CNTN3: variants seen among roughly 807,000 people sequenced by gnomAD.
CNTN3 encodes contactin-3.
Under a neutral mutation model 119.1 loss-of-function variants are expected in CNTN3, and 60 were observed. That is an observed-to-expected ratio of 0.50 (90% CI 0.41 to 0.62). The LOEUF (loss-of-function observed/expected upper bound fraction) is 0.62. CNTN3 is among the 20% of genes least tolerant of loss of function. CNTN3 has a pLI of 0.00. For missense variants in CNTN3, 1,101 were observed against 1,242.4 expected, an observed-to-expected ratio of 0.89 and a Z score of 1.71; for synonymous variants, 450 against 438.7, an observed-to-expected ratio of 1.03 and a Z score of -0.32.
chr3:74,320,932 T>C (rs1258045472), intron 13 of CNTN3, among the ~76,000 whole-genome samples: 1 of 150,376 alleles, frequency 6.6e-6, no homozygotes, highest in African/African-American at 2.5e-5. Flanking sequence ...ACATATTCAA[T>C]AAATATATGT....
chr3:74,352,886 T>G (rs1438848175), intron 11 of CNTN3, among the ~76,000 whole-genome samples: 1 of 152,140 alleles, frequency 6.6e-6, no homozygotes, highest in Admixed American at 6.5e-5. Flanking sequence ...CTCACTGAGC[T>G]TGCACGCCTA....
chr3:74,505,994 G>A (rs1054581183), intron 2 of CNTN3, among the ~76,000 whole-genome samples: 1 of 152,128 alleles, frequency 6.6e-6, no homozygotes, highest in Non-Finnish European at 1.5e-5. Context: ...AAGCTTCACA[G>A]GACCTAGAAA....
intron 17 of CNTN3, 104 bp downstream of exon 17, chr3:74,299,764 G>T: frequency 1.2e-6 from 1 of 842,558 alleles, no homozygotes; most frequent in Non-Finnish European, 1.9e-6. Flanking sequence ...CACACCCCCA[G>T]CACTACCACC....
intron 11 of CNTN3, among the ~76,000 whole-genome samples, chr3:74,343,712 T>C (rs1227636841): frequency 6.6e-6 from 1 of 152,242 alleles, no homozygotes. Flanking sequence ...GGGCTAGACA[T>C]ATAAGTTGGT....
intron 18 of CNTN3, among the ~76,000 whole-genome samples, chr3:74,296,107 C>A (rs939080808): frequency 5.3e-5 from 8 of 152,130 alleles, no homozygotes; most frequent in Non-Finnish European, 1.0e-4. Flanking sequence ...GTGAGGTTTG[C>A]TGCATAACTC....
intron 1 of CNTN3, among the ~76,000 whole-genome samples, chr3:74,545,772 C>T (rs1457475587): frequency 6.6e-6 from 1 of 151,882 alleles, no homozygotes; most frequent in Non-Finnish European, 1.5e-5. Flanking sequence ...TGATTTATTA[C>T]CAACCCCCAC....
intron 1 of CNTN3, among the ~76,000 whole-genome samples, chr3:74,559,202 G>T (rs1008246707): frequency 6.6e-6 from 1 of 151,936 alleles, no homozygotes; most frequent in African/African-American, 2.4e-5. Context: ...GTCTACCTTG[G>T]ACCTCCCTTT....
intron 13 of CNTN3, among the ~76,000 whole-genome samples, chr3:74,333,497 T>C (rs1437006061): frequency 6.6e-6 from 1 of 152,196 alleles, no homozygotes. Flanking sequence ...AATTGGTCCA[T>C]CTCTCCTCTG....
intron 5 of CNTN3, among the ~76,000 whole-genome samples, chr3:74,424,474 C>CAGAGAG (rs71625974): frequency 0.015 from 2,159 of 142,404 alleles, 18 homozygotes; most frequent in African/African-American, 0.031. Context: ...GTGTGTGTGA[C>CAGAGAG]AGAGAGAGAG....
chr3:74,538,202 A>T (rs1369889648), intron 1 of CNTN3, among the ~76,000 whole-genome samples: 1 of 152,126 alleles, frequency 6.6e-6, no homozygotes, highest in Non-Finnish European at 1.5e-5. Context: ...AACTACAGTG[A>T]GGCTTTTTAT....
chr3:74,517,972 A>T (rs1703479270), intron 2 of CNTN3, among the ~76,000 whole-genome samples: 1 of 151,998 alleles, frequency 6.6e-6, no homozygotes, highest in Admixed American at 6.6e-5. Context: ...AAGACAGCTT[A>T]ACACTTAGGC....
intron 5 of CNTN3, among the ~76,000 whole-genome samples, chr3:74,394,941 A>G (rs1705008587): frequency 6.6e-6 from 1 of 152,210 alleles, no homozygotes; most frequent in African/African-American, 2.4e-5. Flanking sequence ...GTACATTAAT[A>G]TATGGAAAAT....
At chr3:74,533,730 T>G (rs1279575996) in intron 1 of CNTN3, among the ~76,000 whole-genome samples, 1 of 152,024 alleles carries the variant, frequency 6.6e-6, no homozygotes, top group Non-Finnish European at 1.5e-5. Flanking sequence ...AGCTTTGTAT[T>G]TTTGTTCAAA....
At chr3:74,477,713 G>A (rs756461835) in intron 4 of CNTN3, among the ~76,000 whole-genome samples, 8 of 151,998 alleles carry the variant, frequency 5.3e-5, no homozygotes, top group Admixed American at 2.0e-4. Flanking sequence ...TTTATAACAC[G>A]AAGGATAAAT....
intron 1 of CNTN3, among the ~76,000 whole-genome samples, chr3:74,592,127 C>CCACTGAGAT (rs1215623218): frequency 2.0e-5 from 3 of 151,852 alleles, no homozygotes; most frequent in Non-Finnish European, 4.4e-5. Flanking sequence ...TGAAGAAATA[C>CCACTGAGAT]CACTGAGATC....
intron 11 of CNTN3, among the ~76,000 whole-genome samples, chr3:74,349,073 G>A (rs991704509): frequency 6.6e-5 from 10 of 150,564 alleles, no homozygotes; most frequent in African/African-American, 2.2e-4. Context: ...GTGACACAGC[G>A]AGACCCTGTC....
intron 5 of CNTN3, among the ~76,000 whole-genome samples, chr3:74,393,056 T>C (rs973508305): frequency 2.7e-5 from 4 of 150,888 alleles, no homozygotes; most frequent in Admixed American, 6.6e-5. Flanking sequence ...GTACCTTTTA[T>C]TGTGGTTTCT....
chr3:74,352,556 T>C (rs1247312914), intron 11 of CNTN3, among the ~76,000 whole-genome samples: 1 of 152,220 alleles, frequency 6.6e-6, no homozygotes, highest in Non-Finnish European at 1.5e-5. Context: ...ATTGATGGTT[T>C]AGTTATCCAC....
chr3:74,522,703 C>A (rs557864515), intron 1 of CNTN3, among the ~76,000 whole-genome samples: 2 of 151,094 alleles, frequency 1.3e-5, no homozygotes, highest in South Asian at 4.1e-4. Flanking sequence ...CAAGGCAGCA[C>A]CAGTTCCCAT....
Sources: gnomAD v4.1 joint callset for allele counts (sites outside exome capture counted in the v4.1 genomes callset) on GRCh38, gnomAD v4.1.1 for gene constraint, MANE v1.5 for transcripts, NCBI Gene and HGNC (gene_info 2026-07-23, HGNC 2026-07-21) for gene names.